The following APBA1 variants were observed in gnomAD, a reference collection of about 807,000 sequenced individuals.
APBA1 encodes amyloid-beta A4 precursor protein-binding family A member 1.
Under a neutral mutation model 86.6 loss-of-function variants are expected in APBA1, and 55 were observed. The ratio of observed to expected loss-of-function variants is 0.64; its 90% CI spans 0.51 to 0.80. The LOEUF is 0.80. Among genes scored for constraint, APBA1 ranks in the 30% least tolerant of loss-of-function variants. APBA1 has a pLI of 0.00. For synonymous variants in APBA1, 511 were observed against 493.9 expected (o/e 1.03, Z -0.46); for missense variants, 1,090 against 1,183.0 (o/e 0.92, Z 1.15).
chr9:69,496,584 C>A (rs774949446), intron 2 of APBA1, among the ~76,000 whole-genome samples: 9 of 152,184 alleles, frequency 5.9e-5, no homozygotes, highest in Admixed American at 1.3e-4. Context: ...TGTTGGCAGT[C>A]CGATTGCACC....
At chr9:69,468,017 G>C in intron 4 of APBA1, 49 bp from the exon 5 acceptor site, 1 of 1,594,872 alleles carries the variant, frequency 6.3e-7, no homozygotes, top group Non-Finnish European at 8.6e-7. Context: ...GGTGGGGCCT[G>C]CCAACCCCCT....
At chr9:69,601,669 T>C (rs1328247062) in intron 1 of APBA1, among the ~76,000 whole-genome samples, 1 of 152,116 alleles carries the variant, frequency 6.6e-6, no homozygotes, top group African/African-American at 2.4e-5. Flanking sequence ...AATGAAAGAG[T>C]TGGAAAGATT....
In APBA1 at chr9:69,516,452, G is replaced by A. The variant is rs542436209; in HGVS notation, c.759C>T (p.Ala253=). 1 of 1,603,728 alleles carries A rather than the reference G, an allele frequency of 6.2e-7. No homozygotes were observed. Among genetic ancestry groups the A allele is most frequent in the Non-Finnish European group, 8.5e-7 (1 of 1,178,686 alleles). Residue 253 remains alanine, a synonymous_variant, in exon 2 of 13, where the codon GCC becomes GCT. Transcript: ENST00000265381. The surrounding 1 kb of genome is among the most constrained non-coding windows in gnomAD (Gnocchi z 7.3). The part of the protein sequence containing the change: ...DGESDSPEKE[A]EFAPYPRMDS... ...CCATGCGCGGGTAGGGCGCGAACTC[G>A]GCCTCCTTCTCGGGGCTGTCGGACT...
At chr9:69,449,561 T>C in intron 10 of APBA1, 23 bp downstream of exon 10, 1 of 1,603,444 alleles carries the variant, frequency 6.2e-7, no homozygotes, top group Non-Finnish European at 8.5e-7. Flanking sequence ...CCACATCAAC[T>C]GATTTTTCCC....
intron 1 of APBA1, among the ~76,000 whole-genome samples, chr9:69,659,364 TATC>T (rs1823705848): frequency 6.6e-6 from 1 of 152,168 alleles, no homozygotes; most frequent in African/African-American, 2.4e-5. Flanking sequence ...ACTGTACAGA[TATC>T]ATAATAAATG....
At chr9:69,542,620 A>G (rs1588352240) in intron 1 of APBA1, among the ~76,000 whole-genome samples, 1 of 152,218 alleles carries the variant, frequency 6.6e-6, no homozygotes, top group Non-Finnish European at 1.5e-5. Context: ...TAAGTTTTCA[A>G]CTCATTTGGG....
chr9:69,532,902 A>G (rs1484836916), intron 1 of APBA1, among the ~76,000 whole-genome samples: 1 of 152,228 alleles, frequency 6.6e-6, no homozygotes, highest in East Asian at 1.9e-4. Context: ...ACTCAGAGGA[A>G]TTTACGTATA....
intron 1 of APBA1, among the ~76,000 whole-genome samples, chr9:69,573,284 C>T (rs572418644): frequency 1.3e-5 from 2 of 151,208 alleles, no homozygotes; most frequent in Non-Finnish European, 2.9e-5. Flanking sequence ...GAGTTTGAGA[C>T]CAGCCTGGGC....
chr9:69,516,508 G>A lies in APBA1; in HGVS notation c.703C>T (p.Leu235=), dbSNP rs1265787177. ...TCGGAGCGCTCGTCGTAATGGTGCA[G>A]CCGCGCGCCCAGGGCCTCCTGGCGG... The part of the protein sequence containing the change: ...AYRQEALGAR[L]HHYDERSDGE... The change falls in exon 2 of 13, where the codon CTG becomes TTG. Residue 235 remains leucine, a synonymous_variant. Coordinates refer to ENST00000265381, the MANE Select transcript of APBA1 (RefSeq NM_001163.4). The surrounding 1 kb of genome is among the most constrained non-coding windows in gnomAD (Gnocchi z 7.3). The A allele has an allele frequency of 6.3e-7, 1 of 1,596,482 alleles. No homozygotes were observed. The highest frequency in any genetic ancestry group is 2.2e-5 in the East Asian group (1 of 44,616).
At chr9:69,491,558 C>A (rs1352839247) in intron 2 of APBA1, among the ~76,000 whole-genome samples, 1 of 150,356 alleles carries the variant, frequency 6.7e-6, no homozygotes, top group Non-Finnish European at 1.5e-5. Context: ...ACATATGTAA[C>A]AAACCTGCAC....
intron 3 of APBA1, among the ~76,000 whole-genome samples, chr9:69,473,751 T>TA (rs918348975): frequency 9.3e-5 from 14 of 151,314 alleles, no homozygotes; most frequent in Non-Finnish European, 1.5e-4. Context: ...TTACCATCTT[T>TA]AAAAAAAAAG....
At chr9:69,523,098 G>C (rs747601646) in intron 1 of APBA1, among the ~76,000 whole-genome samples, 2 of 152,118 alleles carry the variant, frequency 1.3e-5, no homozygotes, top group Non-Finnish European at 2.9e-5. Flanking sequence ...TTCCACTTCA[G>C]TGCACCATTT....
chr9:69,568,700 G>A (rs752656357), intron 1 of APBA1, among the ~76,000 whole-genome samples: 3 of 152,206 alleles, frequency 2.0e-5, no homozygotes, highest in Non-Finnish European at 4.4e-5. Flanking sequence ...AGGTAACACA[G>A]CACAGTGGTC....
intron 2 of APBA1, among the ~76,000 whole-genome samples, chr9:69,489,198 T>G (rs1477649125): frequency 6.6e-6 from 1 of 152,120 alleles, no homozygotes; most frequent in Non-Finnish European, 1.5e-5. Flanking sequence ...AGGACAAAGC[T>G]GGAGGCATCA....
chr9:69,524,308 A>G (rs979516419), intron 1 of APBA1, among the ~76,000 whole-genome samples: 2 of 152,144 alleles, frequency 1.3e-5, no homozygotes, highest in African/African-American at 4.8e-5. Flanking sequence ...TGGTTATTTG[A>G]AAGGATAAAC....
chr9:69,630,062 A>G (rs1325989676), intron 1 of APBA1, among the ~76,000 whole-genome samples: 1 of 30,210 alleles, frequency 3.3e-5, no homozygotes, highest in Non-Finnish European at 1.7e-4. Context: ...TATGTGCTAT[A>G]TTAAAAAAAA....
chr9:69,570,178 C>T (rs562678954), intron 1 of APBA1, among the ~76,000 whole-genome samples: 7 of 152,220 alleles, frequency 4.6e-5, no homozygotes, highest in South Asian at 2.1e-4. Context: ...TTGCTTTATG[C>T]GATGGAAGTA....
In APBA1 at chr9:69,596,971, G is replaced by A. The variant is rs562972032; in HGVS notation, c.-70+75182C>T. ...CAGCTCCCAGCCATTTAGTGGGGGT[G>A]CAAATCAATATTTACAGTGCAACAC... On this transcript the variant is annotated intron_variant, in intron 1 of 12. Transcript: ENST00000265381. Among the ~76,000 whole-genome samples, 89 of 152,328 alleles carry A rather than the reference G, an allele frequency of 5.8e-4. 1 individual carries two copies. The highest frequency in any genetic ancestry group is 2.0e-3 in the African/African-American group (84 of 41,578).
At chr9:69,641,795 T>C (rs1823290628) in intron 1 of APBA1, among the ~76,000 whole-genome samples, 1 of 152,182 alleles carries the variant, frequency 6.6e-6, no homozygotes, top group Non-Finnish European at 1.5e-5. Flanking sequence ...GAAGAAAACA[T>C]AGCAGAAAAA....
Sources: gnomAD v4.1 joint callset for allele counts (sites outside exome capture counted in the v4.1 genomes callset) on GRCh38, gnomAD v4.1.1 for gene constraint, Gnocchi (gnomAD v3.1) non-coding constraint, MANE v1.5 for transcripts, NCBI Gene and HGNC (gene_info 2026-07-23, HGNC 2026-07-21) for gene names.